Variants in SMYD3 observed in about 807,000 individuals in gnomAD.
SMYD3 encodes histone-lysine N-methyltransferase SMYD3.
A neutral mutation model predicts 57.7 loss-of-function variants in SMYD3; 36 were observed. The observed-to-expected ratio is 0.62, with a 90% confidence interval of 0.48 to 0.82. The LOEUF (loss-of-function observed/expected upper bound fraction) is 0.82, where lower values mean the gene tolerates loss of function less well. SMYD3 is among the 40% of genes least tolerant of loss of function. SMYD3 has a pLI of 0.00. For missense variants in SMYD3, 515 were observed against 538.8 expected (o/e 0.96, Z 0.44); for synonymous variants, 211 against 195.0 (o/e 1.08, Z -0.68).
chr1:245,861,714 G>A lies in SMYD3; in HGVS notation c.901+2085C>T, dbSNP rs576480822. On this transcript the variant is annotated intron_variant, in intron 9 of 11. Coordinates refer to ENST00000490107, the MANE Select transcript of SMYD3 (RefSeq NM_001167740.2). ...TGAACTCCCACTAATCCTCCCAGAC[G>A]CAGCTCACTGGTCACCTCCTCTGTG... 4.6e-5 allele frequency among the ~76,000 whole-genome samples: 7 copies of A among 152,292 alleles called. No homozygotes were observed. In the South Asian group the frequency reaches 1.2e-3, roughly 27 times the overall value.
chr1:245,950,950 T>C (rs557602135), intron 5 of SMYD3, among the ~76,000 whole-genome samples: 1 of 152,194 alleles, frequency 6.6e-6, no homozygotes, highest in African/African-American at 2.4e-5. Context: ...TTCACAGTCA[T>C]TCATCATTAG....
At chr1:246,444,633 T>C (rs1225506392) in intron 1 of SMYD3, among the ~76,000 whole-genome samples, 2 of 152,186 alleles carry the variant, frequency 1.3e-5, no homozygotes, top group Non-Finnish European at 2.9e-5. Flanking sequence ...TATTAGAAAT[T>C]ATCAAATGCA....
At chr1:245,995,956 G>GC (rs1296113758) in intron 5 of SMYD3, among the ~76,000 whole-genome samples, 1 of 152,186 alleles carries the variant, frequency 6.6e-6, no homozygotes, top group African/African-American at 2.4e-5. Flanking sequence ...AAGACAATCA[G>GC]CCAGAAATTG....
intron 5 of SMYD3, among the ~76,000 whole-genome samples, chr1:246,326,600 A>AC (rs929999462): frequency 1.9e-4 from 20 of 104,730 alleles, no homozygotes; most frequent in Admixed American, 6.8e-4. Flanking sequence ...AAAAACAAAA[A>AC]AAAAAAAACA....
At chr1:246,168,019 G>T (rs189424847) in intron 5 of SMYD3, among the ~76,000 whole-genome samples, 1 of 152,140 alleles carries the variant, frequency 6.6e-6, no homozygotes, top group Non-Finnish European at 1.5e-5. Flanking sequence ...CAGACAAAAC[G>T]CAAAACAGTG....
intron 1 of SMYD3, among the ~76,000 whole-genome samples, chr1:246,374,162 A>T (rs972739456): frequency 1.5e-4 from 23 of 152,212 alleles, no homozygotes; most frequent in African/African-American, 5.3e-4. Flanking sequence ...CTTAAAAAAA[A>T]AATGTATCCC....
chr1:246,437,304 A>G (rs2067395316), intron 1 of SMYD3, among the ~76,000 whole-genome samples: 1 of 152,142 alleles, frequency 6.6e-6, no homozygotes, highest in South Asian at 2.1e-4. Flanking sequence ...GGTGGGTATG[A>G]ACTCCCCTCA....
chr1:246,037,221 C>T (rs139510644), intron 5 of SMYD3, among the ~76,000 whole-genome samples: 10 of 152,212 alleles, frequency 6.6e-5, no homozygotes, highest in African/African-American at 2.4e-4. Flanking sequence ...AAGATATTAC[C>T]TTCATATATA....
At chr1:246,242,775 AC>A (rs1572267175) in intron 5 of SMYD3, among the ~76,000 whole-genome samples, 2 of 146,700 alleles carry the variant, frequency 1.4e-5, no homozygotes, top group East Asian at 2.4e-4. Flanking sequence ...CAAATGGAAA[AC>A]AAAAAAAAAG....
rs528037084 is a variant in SMYD3, at chr1:245,780,034, T to G, written c.1077-15885A>C. ...AAAGACAGATAATAACAAGTGTTGGTGAGCATGTGGAGAAATGAGAACCCT... is the reference window on the plus strand; with the variant it reads ...AAAGACAGATAATAACAAGTGTTGGGGAGCATGTGGAGAAATGAGAACCCT... On this transcript the variant is annotated intron_variant, in intron 10 of 11. Coordinates refer to ENST00000490107, the MANE Select transcript of SMYD3 (RefSeq NM_001167740.2). Among the ~76,000 whole-genome samples, 7 of 152,302 alleles carry G rather than the reference T, an allele frequency of 4.6e-5. No homozygotes were observed. The South Asian group carries it at 1.2e-3, about 27-fold the overall frequency.
intron 5 of SMYD3, among the ~76,000 whole-genome samples, chr1:246,123,805 C>T (rs1373787520): frequency 6.7e-6 from 1 of 149,798 alleles, no homozygotes; most frequent in Non-Finnish European, 1.5e-5. Context: ...GTCCATTTTT[C>T]TTGTGTTTTT....
chr1:245,859,561 C>T lies in SMYD3; in HGVS notation c.902-891G>A, dbSNP rs566660130. On this transcript the variant is annotated intron_variant, in intron 9 of 11. Transcript: ENST00000490107. Reference sequence around the variant, plus strand: ...TTTATGGAGCGTAATTTTAATCCCTCCCCAGTGAATTCTCTGGGAAACACA... The same window carrying T: ...TTTATGGAGCGTAATTTTAATCCCTTCCCAGTGAATTCTCTGGGAAACACA... Among the ~76,000 whole-genome samples the T allele has an allele frequency of 2.6e-5, 4 of 152,274 alleles. No homozygotes were observed. The East Asian group carries it at 5.8e-4, about 22-fold the overall frequency.
At chr1:246,378,291 A>G (rs58602936) in intron 1 of SMYD3, among the ~76,000 whole-genome samples, 6,228 of 152,166 alleles carry the variant, frequency 0.041, 427 homozygotes, top group African/African-American at 0.14. Context: ...TGTAAACTTG[A>G]TTGGATTGAA....
chr1:245,984,239 C>T (rs2058658397), intron 5 of SMYD3, among the ~76,000 whole-genome samples: 1 of 152,054 alleles, frequency 6.6e-6, no homozygotes, highest in Non-Finnish European at 1.5e-5. Flanking sequence ...TCAGGTGATC[C>T]GTCCCGCCTT....
chr1:246,360,122 T>C (rs1481777215), intron 1 of SMYD3, among the ~76,000 whole-genome samples: 1 of 152,124 alleles, frequency 6.6e-6, no homozygotes, highest in Non-Finnish European at 1.5e-5. Flanking sequence ...AGTTTCAGGA[T>C]ACAAAATTGA....
At chr1:246,384,096 T>A (rs1164897626) in intron 1 of SMYD3, among the ~76,000 whole-genome samples, 1 of 152,120 alleles carries the variant, frequency 6.6e-6, no homozygotes, top group Non-Finnish European at 1.5e-5. Context: ...TATATATGTA[T>A]CTCATATGAA....
At chr1:246,197,825 T>G (rs2062849333) in intron 5 of SMYD3, among the ~76,000 whole-genome samples, 1 of 152,210 alleles carries the variant, frequency 6.6e-6, no homozygotes, top group South Asian at 2.1e-4. Flanking sequence ...AGGGGAACAC[T>G]CTGTACTATT....
intron 1 of SMYD3, among the ~76,000 whole-genome samples, chr1:246,493,451 T>A (rs1016819793): frequency 6.6e-6 from 1 of 152,262 alleles, no homozygotes; most frequent in Admixed American, 6.5e-5. Context: ...AGACTCAGAT[T>A]AACTTACTTA....
At chr1:245,965,209 A>G (rs1243791943) in intron 5 of SMYD3, among the ~76,000 whole-genome samples, 4 of 152,242 alleles carry the variant, frequency 2.6e-5, no homozygotes, top group African/African-American at 9.6e-5. Flanking sequence ...GTATGCATAT[A>G]TATGCTTATG....
Sources: gnomAD v4.1 joint callset for allele counts (sites outside exome capture counted in the v4.1 genomes callset) on GRCh38, gnomAD v4.1.1 for gene constraint, MANE v1.5 for transcripts, NCBI Gene and HGNC (gene_info 2026-07-23, HGNC 2026-07-21) for gene names.